The following CTNNA3 variants were observed in gnomAD, a reference collection of about 807,000 sequenced individuals.
CTNNA3 encodes catenin alpha 3, also known as catenin alpha-3.
CTNNA3 carries 76 observed loss-of-function variants against 95.7 expected under a neutral mutation model. That is an observed-to-expected ratio of 0.79 (90% confidence interval 0.66 to 0.96). CTNNA3 has a LOEUF of 0.96. CTNNA3 is among the 40% of genes least tolerant of loss of function. The pLI is 0.00. For missense variants in CTNNA3, 1,191 were observed against 1,089.8 expected (o/e 1.09, Z -1.31); for synonymous variants, 431 against 374.4 (o/e 1.15, Z -1.74).
intron 13 of CTNNA3, among the ~76,000 whole-genome samples, chr10:66,140,664 C>G (rs2083567321): frequency 6.6e-6 from 1 of 152,154 alleles, no homozygotes; most frequent in Non-Finnish European, 1.5e-5. Context: ...AACATTCTGT[C>G]CTATTCTGCA....
chr10:66,845,851 C>T (rs912305803), intron 7 of CTNNA3, among the ~76,000 whole-genome samples: 4 of 151,236 alleles, frequency 2.6e-5, no homozygotes, highest in Non-Finnish European at 4.4e-5. Flanking sequence ...GAAATCCTGG[C>T]TGTAAGCGGT....
At chr10:67,036,724 T>C (rs912542061) in intron 7 of CTNNA3, among the ~76,000 whole-genome samples, 3 of 152,146 alleles carry the variant, frequency 2.0e-5, no homozygotes, top group African/African-American at 7.2e-5. Context: ...CATTCATTTG[T>C]TTATTTATGC....
intron 15 of CTNNA3, among the ~76,000 whole-genome samples, chr10:66,059,262 TTCAGAACATCATTC>T (rs1253526314): frequency 6.6e-6 from 1 of 152,136 alleles, no homozygotes; most frequent in African/African-American, 2.4e-5. Flanking sequence ...CAAAGTTCTC[TTCAGAACATCATTC>T]TCATAAATAC....
intron 9 of CTNNA3, among the ~76,000 whole-genome samples, chr10:66,650,804 C>T (rs1193473830): frequency 1.3e-5 from 2 of 152,132 alleles, no homozygotes; most frequent in African/African-American, 4.8e-5. Flanking sequence ...TCGCTGGCTT[C>T]AGGAGTGAAG....
rs139803066 is a variant in CTNNA3, at chr10:67,633,370, A to G, written c.99+14045T>C. On this transcript the variant is annotated intron_variant, in intron 2 of 17. Transcript: ENST00000433211. ...GATCCCTCACTCCCCGCCCCAACGC[A>G]GCATATCTGCTCCACCAGAAAGCAT... 1.5e-3 allele frequency among the ~76,000 whole-genome samples: 230 copies of G among 152,292 alleles called. 5 individuals carry two copies. In the East Asian group the frequency reaches 0.037, roughly 25 times the overall value.
At chr10:67,110,521 A>G (rs1233136334) in intron 7 of CTNNA3, among the ~76,000 whole-genome samples, 1 of 152,154 alleles carries the variant, frequency 6.6e-6, no homozygotes, top group Non-Finnish European at 1.5e-5. Flanking sequence ...GAAAGGCTTT[A>G]AGAAATACTA....
intron 5 of CTNNA3, among the ~76,000 whole-genome samples, chr10:67,451,388 G>GT (rs1182920470): frequency 6.6e-6 from 1 of 151,158 alleles, no homozygotes; most frequent in African/African-American, 2.4e-5. Context: ...GAAACCTATG[G>GT]TAAAAAAAAA....
At chr10:67,012,949 T>TA (rs1264339362) in intron 7 of CTNNA3, 4 of 152,130 alleles carry the variant, frequency 2.6e-5, no homozygotes, top group African/African-American at 9.7e-5. Flanking sequence ...TTCATGATTT[T>TA]AAAAAAACCA....
chr10:66,694,073 C>T (rs1233398609), intron 9 of CTNNA3, among the ~76,000 whole-genome samples: 2 of 152,086 alleles, frequency 1.3e-5, no homozygotes, highest in Admixed American at 6.5e-5. Flanking sequence ...AGAGCAAACA[C>T]ATTCAAAAGC....
intron 3 of CTNNA3, among the ~76,000 whole-genome samples, chr10:67,593,279 CAT>C (rs1385824771): frequency 6.6e-6 from 1 of 152,120 alleles, no homozygotes; most frequent in Non-Finnish European, 1.5e-5. Flanking sequence ...GCAGTGAACA[CAT>C]GAGTGTATGT....
intron 11 of CTNNA3, among the ~76,000 whole-genome samples, chr10:66,408,999 G>A (rs901724295): frequency 2.6e-5 from 4 of 152,026 alleles, no homozygotes; most frequent in African/African-American, 7.2e-5. Flanking sequence ...TTGCTAATAG[G>A]TACAGTATAC....
chr10:67,128,096 T>A (rs1410906996), intron 7 of CTNNA3, among the ~76,000 whole-genome samples: 1 of 152,106 alleles, frequency 6.6e-6, no homozygotes, highest in Non-Finnish European at 1.5e-5. Flanking sequence ...TAATTAATGT[T>A]CAAGTTTTAT....
chr10:66,317,505 T>C (rs145340048), intron 12 of CTNNA3, among the ~76,000 whole-genome samples: 2,334 of 151,782 alleles, frequency 0.015, 51 homozygotes, highest in African/African-American at 0.053. Flanking sequence ...AACCCCGTCT[T>C]TACTAAAAAT....
chr10:67,661,877 T>C (rs957149940), intron 1 of CTNNA3, among the ~76,000 whole-genome samples: 4 of 152,158 alleles, frequency 2.6e-5, no homozygotes, highest in African/African-American at 9.7e-5. Flanking sequence ...TGAAAGATTA[T>C]AAATACTGGA....
In CTNNA3 at chr10:66,904,478, C is replaced by T. The variant is rs140745243; in HGVS notation, c.1048-128954G>A. On this transcript the variant is annotated intron_variant, in intron 7 of 17. Coordinates refer to ENST00000433211, the MANE Select transcript of CTNNA3 (RefSeq NM_013266.4). ...ATGGGCAAAGACTTCATGACTAAAA[C>T]ACCAAAAACAATGGCAACAAAAGCC... Among the ~76,000 whole-genome samples the T allele has an allele frequency of 3.6e-3, 543 of 152,262 alleles. 2 individuals are homozygous for T. The highest frequency in any genetic ancestry group is 0.012 in the African/African-American group (515 of 41,552).
At chr10:67,202,375 T>A (rs1329404806) in intron 6 of CTNNA3, among the ~76,000 whole-genome samples, 2 of 152,022 alleles carry the variant, frequency 1.3e-5, no homozygotes, top group East Asian at 3.9e-4. Context: ...TGAACAATGT[T>A]CTCCATAATA....
At chr10:67,566,820 A>C (rs1291748982) in intron 3 of CTNNA3, among the ~76,000 whole-genome samples, 2 of 152,042 alleles carry the variant, frequency 1.3e-5, no homozygotes, top group Admixed American at 6.6e-5. Flanking sequence ...GCACATATAC[A>C]CCATGGAATA....
intron 17 of CTNNA3, among the ~76,000 whole-genome samples, chr10:65,931,846 T>C (rs1342064600): frequency 6.6e-6 from 1 of 152,198 alleles, no homozygotes; most frequent in East Asian, 1.9e-4. Context: ...GGTTGTTGGC[T>C]TCCCAGCTGC....
intron 15 of CTNNA3, among the ~76,000 whole-genome samples, chr10:66,013,716 C>T (rs1399634097): frequency 3.3e-5 from 5 of 152,022 alleles, no homozygotes; most frequent in African/African-American, 1.2e-4. Context: ...ATTTAGGCAC[C>T]ACATTGTCAA....
Sources: gnomAD v4.1 joint callset for allele counts (sites outside exome capture counted in the v4.1 genomes callset) on GRCh38, gnomAD v4.1.1 for gene constraint, MANE v1.5 for transcripts, NCBI Gene and HGNC (gene_info 2026-07-23, HGNC 2026-07-21) for gene names.